Variants in GLIS1 observed in about 807,000 individuals in gnomAD.
GLIS1 encodes the protein GLIS family zinc finger 1, also known as zinc finger protein GLIS1.
GLIS1 carries 24 observed loss-of-function variants against 63.8 expected under a neutral mutation model. The observed-to-expected ratio is 0.38, with a 90% CI of 0.27 to 0.53. The LOEUF is 0.53. Among genes scored for constraint, GLIS1 ranks in the 20% least tolerant of loss-of-function variants. The probability of loss-of-function intolerance (pLI) is 0.85; values close to 1 mark genes in which losing one functional copy is unlikely to be tolerated. For missense variants in GLIS1, 1,036 were observed against 1,074.1 expected (o/e 0.96, Z 0.50); for synonymous variants, 450 against 482.5 (o/e 0.93, Z 0.88).
chr1:53,662,750 T>C (rs1264774960), intron 2 of GLIS1, among the ~76,000 whole-genome samples: 2 of 152,112 alleles, frequency 1.3e-5, no homozygotes, highest in African/African-American at 2.4e-5. Context: ...TCCCCACCTC[T>C]AATCAGAGCA....
intron 6 of GLIS1, among the ~76,000 whole-genome samples, chr1:53,522,273 G>A (rs1264557327): frequency 6.6e-6 from 1 of 152,266 alleles, no homozygotes; most frequent in Non-Finnish European, 1.5e-5. Flanking sequence ...TACCCAGAAA[G>A]ATACATCATC....
intron 2 of GLIS1, among the ~76,000 whole-genome samples, chr1:53,633,085 G>A (rs1301316896): frequency 1.4e-5 from 2 of 144,308 alleles, no homozygotes; most frequent in Non-Finnish European, 3.1e-5. Flanking sequence ...AGGGGCGTGT[G>A]AATGAGTGTG....
chr1:53,734,698 T>C (rs556409221), intron 2 of GLIS1, among the ~76,000 whole-genome samples: 6 of 152,328 alleles, frequency 3.9e-5, no homozygotes, highest in African/African-American at 1.4e-4. Flanking sequence ...CAAGAGGATG[T>C]GTGGGAACAC....
chr1:53,683,691 C>T (rs1415267635), intron 2 of GLIS1, among the ~76,000 whole-genome samples: 2 of 152,124 alleles, frequency 1.3e-5, no homozygotes, highest in Non-Finnish European at 2.9e-5. Flanking sequence ...GAAAGAATGA[C>T]CGAGGTGCCC....
At chr1:53,555,395 T>C (rs1246871397) in intron 4 of GLIS1, among the ~76,000 whole-genome samples, 3 of 152,060 alleles carry the variant, frequency 2.0e-5, no homozygotes, top group Non-Finnish European at 2.9e-5. Flanking sequence ...CTGGGCGCGG[T>C]GGTGGGCGCC....
intron 4 of GLIS1, among the ~76,000 whole-genome samples, chr1:53,548,474 C>T (rs1464102645): frequency 6.6e-6 from 1 of 152,236 alleles, no homozygotes; most frequent in African/African-American, 2.4e-5. Flanking sequence ...TCGACTCATC[C>T]CGTGACAACG....
At chr1:53,585,686 A>G (rs1444739444) in intron 4 of GLIS1, among the ~76,000 whole-genome samples, 1 of 152,190 alleles carries the variant, frequency 6.6e-6, no homozygotes, top group Non-Finnish European at 1.5e-5. Context: ...AACCTGTTCC[A>G]TTCCTGATGG....
At chr1:53,587,028 G>A (rs1374062122) in intron 4 of GLIS1, among the ~76,000 whole-genome samples, 1 of 152,222 alleles carries the variant, frequency 6.6e-6, no homozygotes, top group Non-Finnish European at 1.5e-5. Flanking sequence ...GGGAGCTAAG[G>A]AGGGAGCACT....
Position 53,594,159 on chromosome 1 carries a change from C to G in GLIS1, c.1269G>C (p.Lys423Asn). 6.2e-7 allele frequency: 1 copy of G among 1,613,796 alleles called. No homozygotes were observed. The highest frequency in any genetic ancestry group is 8.5e-7 in the Non-Finnish European group (1 of 1,179,764). Residue 423 changes from lysine (K) to asparagine (N), a missense_variant, in exon 4 of 11, where the codon AAG (lysine) becomes AAC (asparagine). By Grantham distance (94) the Lys-to-Asn change is moderately conservative. Coordinates refer to ENST00000628545, the MANE Select transcript of GLIS1 (RefSeq NM_001367484.1). ...AGTGCACTCGCATGTGGATGAGCAG[C>G]TTGTAGCGGGCGTTGAAGGGCTTGT... ...RRYKPFNARY[K>N]LLIHMRVHSG...
chr1:53,702,256 C>T (rs2100496512), intron 2 of GLIS1, among the ~76,000 whole-genome samples: 1 of 152,270 alleles, frequency 6.6e-6, no homozygotes, highest in East Asian at 1.9e-4. Flanking sequence ...GGCTGCCTCT[C>T]CAGGAGGATG....
At chr1:53,657,881 C>G (rs959948295) in intron 2 of GLIS1, among the ~76,000 whole-genome samples, 4 of 152,136 alleles carry the variant, frequency 2.6e-5, no homozygotes, top group Non-Finnish European at 4.4e-5. Flanking sequence ...GATCATCCAC[C>G]CTTGCCCCTT....
chr1:53,618,910 C>T (rs1445852634), intron 2 of GLIS1, among the ~76,000 whole-genome samples: 1 of 152,252 alleles, frequency 6.6e-6, no homozygotes, highest in African/African-American at 2.4e-5. Context: ...TACCCTGGCT[C>T]TTAACTCACT....
At chr1:53,525,047 G>A (rs1185098551) in intron 5 of GLIS1, among the ~76,000 whole-genome samples, 160 bp from the exon 6 acceptor site, 1 of 152,194 alleles carries the variant, frequency 6.6e-6, no homozygotes, top group African/African-American at 2.4e-5. Flanking sequence ...GAAGGTGCCT[G>A]GCCTGGGAGC....
intron 6 of GLIS1, among the ~76,000 whole-genome samples, chr1:53,523,598 C>T (rs1644433635): frequency 6.6e-6 from 1 of 152,126 alleles, no homozygotes; most frequent in Non-Finnish European, 1.5e-5. Context: ...TTCTTTCACT[C>T]CCACACCCTC....
chr1:53,572,154 T>A (rs533703723), intron 4 of GLIS1, among the ~76,000 whole-genome samples: 1 of 152,210 alleles, frequency 6.6e-6, no homozygotes. Context: ...ATTAAAAAAT[T>A]AAACATGAGT....
At chr1:53,663,776 A>C (rs1208360094) in intron 2 of GLIS1, among the ~76,000 whole-genome samples, 1 of 151,976 alleles carries the variant, frequency 6.6e-6, no homozygotes, top group Non-Finnish European at 1.5e-5. Context: ...TCAGGACAAA[A>C]CGTTCCAAGG....
intron 2 of GLIS1, among the ~76,000 whole-genome samples, chr1:53,663,524 C>A (rs1557509612): frequency 6.6e-6 from 1 of 152,230 alleles, no homozygotes; most frequent in South Asian, 2.1e-4. Flanking sequence ...CCAGCTGGGG[C>A]ACCCTCCTCT....
At chr1:53,556,540 T>TGTGC (rs1644830730) in intron 4 of GLIS1, among the ~76,000 whole-genome samples, 1 of 117,272 alleles carries the variant, frequency 8.5e-6, no homozygotes. Flanking sequence ...GTACTGCAGG[T>TGTGC]GTGTGTGTGT....
chr1:53,560,243 T>C lies in GLIS1; in HGVS notation c.1321-30291A>G, dbSNP rs2100436269. On this transcript the variant is annotated intron_variant, in intron 4 of 10. Transcript: ENST00000628545. The surrounding 1 kb of genome is among the most constrained non-coding windows in gnomAD (Gnocchi z 4.4). The stretch of plus-strand genomic sequence containing the variant: ...CGAAGACAGACAAAGAAGAGCCAGC[T>C]TTGCCCAGACCTGGGGGCAGCAGCT... 6.6e-6 allele frequency among the ~76,000 whole-genome samples: 1 copy of C among 152,318 alleles called. No homozygotes were observed. Among genetic ancestry groups the C allele is most frequent in the African/African-American group, 2.4e-5 (1 of 41,574 alleles).
Sources: gnomAD v4.1 joint callset for allele counts (sites outside exome capture counted in the v4.1 genomes callset) on GRCh38, gnomAD v4.1.1 for gene constraint, Gnocchi (gnomAD v3.1) non-coding constraint, MANE v1.5 for transcripts, NCBI Gene and HGNC (gene_info 2026-07-23, HGNC 2026-07-21) for gene names.